The following WNK1 variants were observed in gnomAD, a reference collection of about 807,000 sequenced individuals.
WNK1 encodes the protein serine/threonine-protein kinase WNK1.
WNK1 carries 38 observed loss-of-function variants against 222.8 expected under a neutral mutation model. The observed-to-expected ratio is 0.17, with a 90% CI of 0.13 to 0.22. The LOEUF (loss-of-function observed/expected upper bound fraction) is 0.22, where lower values mean the gene tolerates loss of function less well. WNK1 is among the 10% of genes least tolerant of loss of function. The pLI is 1.00. For synonymous variants in WNK1, 1,090 were observed against 1,092.9 expected, an observed-to-expected ratio of 1.00 and a Z score of 0.05; for missense variants, 2,348 against 2,918.4, an observed-to-expected ratio of 0.80 and a Z score of 4.50.
At chr12:755,084 C>T (rs1372119502) in intron 1 of WNK1, among the ~76,000 whole-genome samples, 2 of 152,174 alleles carry the variant, frequency 1.3e-5, no homozygotes, top group East Asian at 1.9e-4. Flanking sequence ...GCAGCACTTC[C>T]TTTTTTAACC....
intron 1 of WNK1, among the ~76,000 whole-genome samples, chr12:758,124 G>A (rs1691028112): frequency 6.9e-6 from 1 of 145,850 alleles, no homozygotes; most frequent in Admixed American, 6.8e-5. Flanking sequence ...TTCCCAAGTT[G>A]CCTCTGAAGA....
chr12:875,224 G>A (rs1027594147), intron 9 of WNK1, among the ~76,000 whole-genome samples: 1 of 152,120 alleles, frequency 6.6e-6, no homozygotes, highest in Non-Finnish European at 1.5e-5. Flanking sequence ...GGGGCTGGGA[G>A]CATATGATTA....
In WNK1 at chr12:753,456, G is replaced by C; in HGVS notation, c.-110G>C. ...AGTGAGGCGTCGTCCGGGTCGGCGC[G>C]AACCCGCCCGGCCGCGGTTCCCTGC... On this transcript the variant is annotated 5_prime_UTR_variant, in exon 1 of 28. Coordinates refer to ENST00000315939, the MANE Select transcript of WNK1 (RefSeq NM_018979.4). The surrounding 1 kb of genome is among the most constrained non-coding windows in gnomAD (Gnocchi z 5.2). 6.7e-7 allele frequency: 1 copy of C among 1,484,320 alleles called. No homozygotes were observed. The highest frequency in any genetic ancestry group is 1.4e-5 in the African/African-American group (1 of 71,596). The allele number at this position is 1,484,320 out of a possible 1,614,324, so 91.9% of individuals were successfully genotyped here. A position where few individuals can be genotyped will look rare whatever the true frequency, so the allele number is the denominator to read the frequency against.
At chr12:860,143 C>T (rs940452407) in intron 6 of WNK1, among the ~76,000 whole-genome samples, 9 of 152,110 alleles carry the variant, frequency 5.9e-5, no homozygotes, top group Non-Finnish European at 1.2e-4. Flanking sequence ...GAGTGACTCC[C>T]AGTTTGTATA....
intron 4 of WNK1, among the ~76,000 whole-genome samples, chr12:833,454 G>A (rs1165248674): frequency 2.0e-5 from 3 of 151,930 alleles, no homozygotes; most frequent in African/African-American, 2.4e-5. Context: ...TCATTATCTC[G>A]CACATATGCC....
At chr12:846,910 A>G (rs902505451) in intron 4 of WNK1, among the ~76,000 whole-genome samples, 2 of 152,218 alleles carry the variant, frequency 1.3e-5, no homozygotes, top group Non-Finnish European at 2.9e-5. Context: ...TTGTTGTGCT[A>G]TCAGTGAAAA....
chr12:780,401 T>C (rs1200166429), intron 1 of WNK1, among the ~76,000 whole-genome samples: 1 of 152,220 alleles, frequency 6.6e-6, no homozygotes, highest in Non-Finnish European at 1.5e-5. Context: ...TGATAGAAAT[T>C]CACAAAAATT....
At chr12:782,189 A>G (rs1943781840) in intron 1 of WNK1, among the ~76,000 whole-genome samples, 1 of 152,210 alleles carries the variant, frequency 6.6e-6, no homozygotes, top group Admixed American at 6.5e-5. Flanking sequence ...TGACCCTGAA[A>G]GTTTATGACC....
chr12:778,528 A>T (rs1394090831), intron 1 of WNK1, among the ~76,000 whole-genome samples: 2 of 151,312 alleles, frequency 1.3e-5, no homozygotes, highest in Admixed American at 1.3e-4. Flanking sequence ...ACAGGCTTTC[A>T]CCATGTTGGC....
Position 887,214 on chromosome 12 carries a change from T to C in WNK1, c.5281-7T>C, listed in dbSNP as rs983023177. On this transcript the variant is annotated splice_region_variant and splice_polypyrimidine_tract_variant and intron_variant, in intron 19 of 27. Coordinates refer to ENST00000315939, the MANE Select transcript of WNK1 (RefSeq NM_018979.4). ...CACGGACTTGATTTTCCCTTTGTTG[T>C]CTGTAGGTGCTGCCAGTGGGTACTG... 1 of 1,614,170 alleles carries C rather than the reference T, an allele frequency of 6.2e-7. No individual in the cohort carries two copies. Among genetic ancestry groups the C allele is most frequent in the Non-Finnish European group, 8.5e-7 (1 of 1,179,986 alleles).
At chr12:771,101 G>A (rs1415547030) in intron 1 of WNK1, among the ~76,000 whole-genome samples, 1 of 152,034 alleles carries the variant, frequency 6.6e-6, no homozygotes, top group Non-Finnish European at 1.5e-5. Context: ...GGGTTCAAGC[G>A]ACTCTCCTGC....
intron 4 of WNK1, among the ~76,000 whole-genome samples, chr12:830,799 T>G (rs776546889): frequency 6.6e-6 from 1 of 152,200 alleles, no homozygotes; most frequent in East Asian, 1.9e-4. Flanking sequence ...CCTGAAAAAA[T>G]TAACAATCAT....
chr12:783,375 C>T (rs1185853857), intron 1 of WNK1, among the ~76,000 whole-genome samples: 1 of 151,906 alleles, frequency 6.6e-6, no homozygotes, highest in Non-Finnish European at 1.5e-5. Flanking sequence ...TGGGGCTGGG[C>T]GTGGTGACAC....
chr12:892,635 G>C (rs1323406103), intron 22 of WNK1, among the ~76,000 whole-genome samples: 1 of 152,086 alleles, frequency 6.6e-6, no homozygotes, highest in Non-Finnish European at 1.5e-5. Context: ...ATCACAAAAA[G>C]AACTCGTTTT....
At chr12:868,722 T>C in intron 8 of WNK1, 9 of 1,613,938 alleles carry the variant, frequency 5.6e-6, no homozygotes, top group Non-Finnish European at 7.6e-6. Flanking sequence ...GCAGTGGACT[T>C]GAATCAAGAA....
intron 4 of WNK1, among the ~76,000 whole-genome samples, chr12:832,429 A>G (rs1186013255): frequency 1.3e-5 from 2 of 152,250 alleles, no homozygotes; most frequent in East Asian, 1.9e-4. Flanking sequence ...TTACCTCTTC[A>G]TAAAGGCTTG....
In WNK1 at chr12:800,465, A is replaced by G. The variant is rs1270820022; in HGVS notation, c.760-13177A>G. 6.6e-5 allele frequency among the ~76,000 whole-genome samples: 10 copies of G among 152,064 alleles called. No individual in the cohort carries two copies. The East Asian group carries it at 9.7e-4, about 15-fold the overall frequency. On this transcript the variant is annotated intron_variant, in intron 1 of 27. Transcript: ENST00000315939. ...TAATTGCCTGCTATAATTATTTTTTATTTTGGTAAAATATATAACTTAAAA... is the reference window on the plus strand; with the variant it reads ...TAATTGCCTGCTATAATTATTTTTTGTTTTGGTAAAATATATAACTTAAAA...
chr12:793,871 T>C (rs1234381078), intron 1 of WNK1, among the ~76,000 whole-genome samples: 2 of 152,118 alleles, frequency 1.3e-5, no homozygotes, highest in African/African-American at 2.4e-5. Flanking sequence ...CAGTACTAAG[T>C]TTTAGAACAT....
chr12:779,238 A>G (rs774537061), intron 1 of WNK1, among the ~76,000 whole-genome samples: 1 of 152,094 alleles, frequency 6.6e-6, no homozygotes, highest in Non-Finnish European at 1.5e-5. Flanking sequence ...CAGTTATTTT[A>G]TTTGACATGT....
Sources: gnomAD v4.1 joint callset for allele counts (sites outside exome capture counted in the v4.1 genomes callset) on GRCh38, gnomAD v4.1.1 for gene constraint, Gnocchi (gnomAD v3.1) non-coding constraint, MANE v1.5 for transcripts, NCBI Gene and HGNC (gene_info 2026-07-23, HGNC 2026-07-21) for gene names.